The following RALGPS2 variants were observed in gnomAD, a reference collection of about 807,000 sequenced individuals.
The protein encoded by RALGPS2 is ras-specific guanine nucleotide-releasing factor RalGPS2.
A neutral mutation model predicts 86.8 loss-of-function variants in RALGPS2; 43 were observed. That is an observed-to-expected ratio of 0.50 (90% CI 0.39 to 0.64). The LOEUF is 0.64. Among genes scored for constraint, RALGPS2 ranks in the 30% least tolerant of loss-of-function variants. RALGPS2 has a pLI of 0.00. For missense variants in RALGPS2, 536 were observed against 694.6 expected (o/e 0.77, Z 2.57); for synonymous variants, 243 against 231.3 (o/e 1.05, Z -0.46).
intron 8 of RALGPS2, chr1:178,853,115 T>C: frequency 1.0e-6 from 1 of 985,400 alleles, no homozygotes; most frequent in Non-Finnish European, 1.2e-6. Context: ...AAGCCACACA[T>C]TGTCATTCTC....
chr1:178,784,617 T>C, intron 3 of RALGPS2, 95 bp downstream of exon 3: 1 of 878,378 alleles, frequency 1.1e-6, no homozygotes, highest in Non-Finnish European at 1.7e-6. Flanking sequence ...AAGAGACAGC[T>C]TTTAGAAACC....
At chr1:178,752,590 T>C (rs1207598686) in intron 1 of RALGPS2, among the ~76,000 whole-genome samples, 1 of 152,202 alleles carries the variant, frequency 6.6e-6, no homozygotes, top group Non-Finnish European at 1.5e-5. Flanking sequence ...ATGTAACATT[T>C]CGTGATGGCT....
At chr1:178,875,641 G>A (rs1206788780) in intron 8 of RALGPS2, among the ~76,000 whole-genome samples, 1 of 152,006 alleles carries the variant, frequency 6.6e-6, no homozygotes, top group Admixed American at 6.6e-5. Flanking sequence ...TCAGCTATTC[G>A]GGTGGCTGAG....
chr1:178,738,071 G>A (rs1163809661), intron 1 of RALGPS2, among the ~76,000 whole-genome samples: 1 of 151,596 alleles, frequency 6.6e-6, no homozygotes, highest in Non-Finnish European at 1.5e-5. Context: ...GAGCCACCAC[G>A]CTTGACCACA....
chr1:178,910,657 A>C (rs1660585068), intron 19 of RALGPS2, among the ~76,000 whole-genome samples: 1 of 152,142 alleles, frequency 6.6e-6, no homozygotes. Context: ...TGCTGGATTC[A>C]GTTAGCTAAT....
chr1:178,743,727 T>C (rs1651157243), intron 1 of RALGPS2, among the ~76,000 whole-genome samples: 2 of 152,176 alleles, frequency 1.3e-5, no homozygotes, highest in South Asian at 4.1e-4. Context: ...ACTTTATGCC[T>C]ATACATTTTA....
chr1:178,799,206 A>AT (rs1456438579), intron 4 of RALGPS2, among the ~76,000 whole-genome samples: 5 of 152,008 alleles, frequency 3.3e-5, no homozygotes, highest in Non-Finnish European at 7.4e-5. Context: ...TGCCTGGCTA[A>AT]TTTTTTGTAT....
chr1:178,765,121 A>G (rs1446998632), intron 1 of RALGPS2, among the ~76,000 whole-genome samples: 1 of 150,306 alleles, frequency 6.7e-6, no homozygotes, highest in Non-Finnish European at 1.5e-5. Context: ...AGCCGATTAA[A>G]CCACTTTTCT....
At chr1:178,833,692 TAAAG>T in intron 8 of RALGPS2, 142 bp downstream of exon 8, 1 of 1,332,160 alleles carries the variant, frequency 7.5e-7, no homozygotes, top group Non-Finnish European at 9.7e-7. Context: ...AAAAAATGAC[TAAAG>T]ATAGTTGTTA....
At chr1:178,793,381 T>A (rs1654048403) in intron 4 of RALGPS2, among the ~76,000 whole-genome samples, 1 of 151,580 alleles carries the variant, frequency 6.6e-6, no homozygotes, top group Non-Finnish European at 1.5e-5. Flanking sequence ...AATAAGAATT[T>A]CGATCAAAAC....
rs1311113133 is a variant in RALGPS2 at position 178,878,951 on chromosome 1, T to C, written c.795T>C (p.Tyr265=). ...HVQKYLNSVQ[Y]IEELQKFVED... ...AAAAATATCTCAACTCTGTTCAGTA[T>C]ATAGAAGAACTACAAAAATTTGTGG... Residue 265 remains tyrosine, a synonymous_variant, in exon 10 of 20, where the codon TAT becomes TAC. Coordinates refer to ENST00000367635, the MANE Select transcript of RALGPS2 (RefSeq NM_152663.5). 6.2e-7 allele frequency: 1 copy of C among 1,612,674 alleles called. No homozygotes were observed. The highest frequency in any genetic ancestry group is 8.5e-7 in the Non-Finnish European group (1 of 1,179,480).
chr1:178,787,602 A>G (rs751641896), intron 4 of RALGPS2, among the ~76,000 whole-genome samples: 2 of 152,194 alleles, frequency 1.3e-5, no homozygotes, highest in Non-Finnish European at 2.9e-5. Flanking sequence ...AGATAATACT[A>G]CTTGAAGACA....
chr1:178,881,382 G>A (rs898036700), intron 10 of RALGPS2, among the ~76,000 whole-genome samples: 4 of 152,322 alleles, frequency 2.6e-5, no homozygotes, highest in African/African-American at 4.8e-5. Flanking sequence ...ATAAGAAACA[G>A]TGTCTTTGCA....
chr1:178,759,463 G>A (rs1269671274), intron 1 of RALGPS2, among the ~76,000 whole-genome samples: 2 of 148,260 alleles, frequency 1.3e-5, no homozygotes, highest in East Asian at 3.9e-4. Flanking sequence ...AGTACATGCT[G>A]TTTTGGTTAC....
intron 3 of RALGPS2, 89 bp downstream of exon 3, chr1:178,784,611 G>A (rs1339971647): frequency 1.0e-6 from 1 of 988,834 alleles, no homozygotes; most frequent in Non-Finnish European, 1.4e-6. Context: ...CAGCAAAAGA[G>A]ACAGCTTTTA....
rs1461911516 is a variant in RALGPS2 at position 178,897,655 on chromosome 1, C to G, written c.1432-9C>G. The G allele has an allele frequency of 6.2e-7, 1 of 1,601,740 alleles. No individual in the cohort carries two copies. The highest frequency in any genetic ancestry group is 8.6e-7 in the Non-Finnish European group (1 of 1,169,342). On this transcript the variant is annotated splice_polypyrimidine_tract_variant and intron_variant, in intron 16 of 19. Transcript: ENST00000367635. Reference sequence around the variant, plus strand: ...TGTAATAGTATATTCCTGTGTTTGTCCTATCCAGGTAGCATCTTGGACAAA... The same window carrying G: ...TGTAATAGTATATTCCTGTGTTTGTGCTATCCAGGTAGCATCTTGGACAAA...
chr1:178,766,977 C>T (rs1315710255), intron 1 of RALGPS2, among the ~76,000 whole-genome samples: 1 of 152,088 alleles, frequency 6.6e-6, no homozygotes, highest in African/African-American at 2.4e-5. Flanking sequence ...CTCTGAAATT[C>T]TTTTCTCATC....
intron 1 of RALGPS2, among the ~76,000 whole-genome samples, chr1:178,741,041 T>G (rs1650993430): frequency 6.6e-6 from 1 of 152,212 alleles, no homozygotes; most frequent in South Asian, 2.1e-4. Context: ...TGTAATGATA[T>G]TTGAGGTAAT....
At chr1:178,913,378 A>G (rs1660696127) in intron 19 of RALGPS2, among the ~76,000 whole-genome samples, 1 of 151,664 alleles carries the variant, frequency 6.6e-6, no homozygotes, top group Admixed American at 6.6e-5. Flanking sequence ...TGGCTGTGTT[A>G]TCTTTCAACT....
Sources: allele counts gnomAD v4.1 joint callset (sites outside exome capture counted in the v4.1 genomes callset), GRCh38; gene constraint gnomAD v4.1.1; transcripts MANE v1.5; gene names NCBI Gene and HGNC (gene_info 2026-07-23, HGNC 2026-07-21).